Variants in MCTP1 observed in about 807,000 individuals in gnomAD.
The protein encoded by MCTP1 is multiple C2 and transmembrane domain-containing protein 1.
MCTP1 carries 69 observed loss-of-function variants against 120.6 expected under a neutral mutation model. That is an observed-to-expected ratio of 0.57 (90% CI 0.47 to 0.70). The LOEUF (loss-of-function observed/expected upper bound fraction) is 0.70, where lower values mean the gene tolerates loss of function less well. Among genes scored for constraint, MCTP1 ranks in the 30% least tolerant of loss-of-function variants. The probability of loss-of-function intolerance (pLI) is 0.00; values close to 1 mark genes in which losing one functional copy is unlikely to be tolerated. For synonymous variants in MCTP1, 529 were observed against 493.1 expected (o/e 1.07, Z -0.96); for missense variants, 1,203 against 1,248.8 (o/e 0.96, Z 0.55).
At chr5:94,855,644 C>T (rs1413684591) in intron 17 of MCTP1, among the ~76,000 whole-genome samples, 1 of 151,684 alleles carries the variant, frequency 6.6e-6, no homozygotes, top group East Asian at 1.9e-4. Flanking sequence ...TAACAGCCTG[C>T]TGCAGCCCCG....
chr5:95,200,766 G>A (rs1292051631), intron 1 of MCTP1, among the ~76,000 whole-genome samples: 1 of 152,140 alleles, frequency 6.6e-6, no homozygotes, highest in African/African-American at 2.4e-5. Flanking sequence ...ACAATGTATT[G>A]TGTTTTGAAA....
At chr5:94,732,056 C>T (rs979939068) in intron 19 of MCTP1, among the ~76,000 whole-genome samples, 3 of 152,176 alleles carry the variant, frequency 2.0e-5, no homozygotes, top group Admixed American at 6.5e-5. Flanking sequence ...CTGTGAGTTT[C>T]ATCACTTAGG....
chr5:95,147,554 G>A (rs1253428631), intron 1 of MCTP1, among the ~76,000 whole-genome samples: 1 of 152,138 alleles, frequency 6.6e-6, no homozygotes, highest in East Asian at 1.9e-4. Context: ...TTGCATGATA[G>A]ATCTTTCTCC....
At chr5:94,922,202 T>C (rs1386604906) in intron 7 of MCTP1, among the ~76,000 whole-genome samples, 1 of 152,226 alleles carries the variant, frequency 6.6e-6, no homozygotes, top group Non-Finnish European at 1.5e-5. Context: ...ACATTTGTTA[T>C]TCTAGGATCA....
At chr5:95,164,990 G>A (rs1029511692) in intron 1 of MCTP1, among the ~76,000 whole-genome samples, 4 of 152,032 alleles carry the variant, frequency 2.6e-5, no homozygotes, top group East Asian at 1.9e-4. Context: ...AGAGGGAGGG[G>A]GAATAAGGCA....
At chr5:95,197,242 A>G (rs896923567) in intron 1 of MCTP1, among the ~76,000 whole-genome samples, 4 of 152,346 alleles carry the variant, frequency 2.6e-5, no homozygotes, top group African/African-American at 7.2e-5. Context: ...CAACTTGTTA[A>G]GATTTAATAC....
chr5:94,950,275 GT>G (rs1377830208), intron 3 of MCTP1, among the ~76,000 whole-genome samples: 1 of 152,080 alleles, frequency 6.6e-6, no homozygotes, highest in African/African-American at 2.4e-5. Flanking sequence ...ATGTAAAAAT[GT>G]AAGTAAAGTA....
At chr5:95,027,204 G>C (rs1012853394) in intron 1 of MCTP1, among the ~76,000 whole-genome samples, 1 of 152,166 alleles carries the variant, frequency 6.6e-6, no homozygotes, top group Non-Finnish European at 1.5e-5. Context: ...CAAATAATGG[G>C]TGCACCCCAC....
chr5:95,073,973 G>T (rs1052805471), intron 1 of MCTP1, among the ~76,000 whole-genome samples: 1 of 152,078 alleles, frequency 6.6e-6, no homozygotes, highest in Non-Finnish European at 1.5e-5. Flanking sequence ...AAATTTGGCC[G>T]GGCGTGGTGG....
chr5:95,053,002 A>G (rs1437994430), intron 1 of MCTP1, among the ~76,000 whole-genome samples: 1 of 152,210 alleles, frequency 6.6e-6, no homozygotes, highest in Non-Finnish European at 1.5e-5. Flanking sequence ...ACTACAGCAA[A>G]GTAAAATGTG....
intron 2 of MCTP1, among the ~76,000 whole-genome samples, chr5:94,988,660 T>C (rs1429709944): frequency 6.6e-6 from 1 of 151,780 alleles, no homozygotes; most frequent in Non-Finnish European, 1.5e-5. Context: ...TATTTAAGAT[T>C]TGGTTAGGTC....
At chr5:94,988,304 A>G in intron 2 of MCTP1, among the ~76,000 whole-genome samples, 1 of 73,272 alleles carries the variant, frequency 1.4e-5, no homozygotes, top group East Asian at 3.2e-4. Flanking sequence ...GTTAACAGAT[A>G]TTTAGGCTTT....
chr5:95,031,880 A>C (rs1840367808), intron 1 of MCTP1, among the ~76,000 whole-genome samples: 1 of 152,172 alleles, frequency 6.6e-6, no homozygotes, highest in African/African-American at 2.4e-5. Context: ...GCAGGCTCAA[A>C]GTAAAGGGAA....
chr5:94,765,405 A>G (rs1772364128), intron 19 of MCTP1, among the ~76,000 whole-genome samples: 1 of 152,194 alleles, frequency 6.6e-6, no homozygotes, highest in Non-Finnish European at 1.5e-5. Flanking sequence ...TCAGAGCAGA[A>G]CTAAACAAAA....
rs1326774836 is a variant in MCTP1, at chr5:95,081,953, T to C, written c.721-64469A>G. 3 of 504,636 alleles carry C rather than the reference T, an allele frequency of 5.9e-6. No individual in the cohort carries two copies. In the African/African-American group the frequency reaches 6.4e-5, roughly 11 times the overall value. 31.3% of individuals were successfully genotyped at this position (504,636 alleles called of 1,614,324 possible). ...TTCTCTGCAGTGAATTAATTTAATG[T>C]TATTAAGGATGTGAGAACTTGCCAA... is the stretch of plus-strand genomic sequence containing the variant. On this transcript the variant is annotated intron_variant, in intron 1 of 22. Transcript: ENST00000515393.
intron 2 of MCTP1, among the ~76,000 whole-genome samples, chr5:94,955,572 T>C (rs1371833949): frequency 6.6e-6 from 1 of 152,162 alleles, no homozygotes; most frequent in African/African-American, 2.4e-5. Context: ...AGGCTTGAGC[T>C]TGGTAGGGAG....
At chr5:94,933,209 A>G (rs148786234) in intron 5 of MCTP1, among the ~76,000 whole-genome samples, 6 of 151,962 alleles carry the variant, frequency 3.9e-5, no homozygotes, top group African/African-American at 9.6e-5. Flanking sequence ...TAAAGTCAGG[A>G]AACTGCAAAG....
intron 1 of MCTP1, among the ~76,000 whole-genome samples, chr5:95,018,627 C>T (rs1837593114): frequency 6.6e-6 from 1 of 151,818 alleles, no homozygotes; most frequent in Non-Finnish European, 1.5e-5. Flanking sequence ...CCTCTGGTAA[C>T]AATAAAAAAG....
chr5:94,738,023 C>T (rs867932370), intron 19 of MCTP1, among the ~76,000 whole-genome samples: 4 of 152,190 alleles, frequency 2.6e-5, no homozygotes, highest in African/African-American at 7.2e-5. Context: ...TCATCAGAAG[C>T]GAAACAGCTA....
Sources: gnomAD v4.1 joint callset for allele counts (sites outside exome capture counted in the v4.1 genomes callset) on GRCh38, gnomAD v4.1.1 for gene constraint, MANE v1.5 for transcripts, NCBI Gene and HGNC (gene_info 2026-07-23, HGNC 2026-07-21) for gene names.